The following CEP128 variants were observed in gnomAD, a reference collection of about 807,000 sequenced individuals.
CEP128 encodes the protein centrosomal protein 128kDa.
A neutral mutation model predicts 156.7 loss-of-function variants in CEP128; 132 were observed. The ratio of observed to expected loss-of-function variants is 0.84; its 90% CI spans 0.73 to 0.97. The LOEUF (loss-of-function observed/expected upper bound fraction) is 0.97. CEP128 is among the 50% of genes least tolerant of loss of function. CEP128 has a pLI of 0.00. For synonymous variants in CEP128, 469 were observed against 448.9 expected (o/e 1.04, Z -0.57); for missense variants, 1,252 against 1,281.9 (o/e 0.98, Z 0.36).
At chr14:80,939,806 G>A (rs1007431556) in intron 1 of CEP128, among the ~76,000 whole-genome samples, 5 of 152,108 alleles carry the variant, frequency 3.3e-5, no homozygotes, top group African/African-American at 7.2e-5. Context: ...AGTGTGAACC[G>A]CAGCCCAAGT....
intron 17 of CEP128, among the ~76,000 whole-genome samples, chr14:80,760,907 T>C (rs1359221906): frequency 1.3e-5 from 2 of 152,114 alleles, no homozygotes; most frequent in Non-Finnish European, 2.9e-5. Context: ...TTAGACTCCA[T>C]AGGTTTGAAG....
chr14:80,592,093 G>T (rs879355628), intron 19 of CEP128, among the ~76,000 whole-genome samples: 4 of 152,088 alleles, frequency 2.6e-5, no homozygotes, highest in Admixed American at 6.6e-5. Flanking sequence ...ACAATTAAAA[G>T]AACTAGAGAA....
intron 24 of CEP128, among the ~76,000 whole-genome samples, chr14:80,500,892 C>A (rs972974554): frequency 6.6e-6 from 1 of 151,944 alleles, no homozygotes; most frequent in African/African-American, 2.4e-5. Flanking sequence ...GATACTATGA[C>A]ATTTCTCTTC....
intron 19 of CEP128, among the ~76,000 whole-genome samples, chr14:80,648,304 C>T (rs2076924337): frequency 6.6e-6 from 1 of 151,952 alleles, no homozygotes; most frequent in Non-Finnish European, 1.5e-5. Flanking sequence ...TTTCACCTGC[C>T]TTATGGAATA....
chr14:80,633,645 C>T (rs532549807), intron 19 of CEP128, among the ~76,000 whole-genome samples: 2 of 152,226 alleles, frequency 1.3e-5, no homozygotes, highest in Non-Finnish European at 2.9e-5. Context: ...ACAAGCAAGA[C>T]TTCCCACTAC....
intron 19 of CEP128, among the ~76,000 whole-genome samples, chr14:80,657,188 C>A (rs1052868638): frequency 3.3e-5 from 5 of 150,628 alleles, no homozygotes; most frequent in African/African-American, 4.9e-5. Flanking sequence ...ACTGGGGAGG[C>A]AAAAGTTGCA....
intron 19 of CEP128, among the ~76,000 whole-genome samples, chr14:80,678,897 T>G (rs1335732382): frequency 5.3e-5 from 8 of 152,160 alleles, no homozygotes; most frequent in Non-Finnish European, 1.2e-4. Flanking sequence ...GGAACATAAA[T>G]TGTGAAGATT....
chr14:80,910,340 G>T (rs1884135158), intron 4 of CEP128, among the ~76,000 whole-genome samples: 1 of 152,202 alleles, frequency 6.6e-6, no homozygotes, highest in Non-Finnish European at 1.5e-5. Context: ...AATTCCCAGT[G>T]TTGGAAGTGG....
intron 4 of CEP128, among the ~76,000 whole-genome samples, chr14:80,909,705 A>G (rs1051933007): frequency 5.9e-5 from 9 of 152,124 alleles, no homozygotes; most frequent in Admixed American, 5.2e-4. Context: ...TAATAGAATT[A>G]AAATCTACAC....
chr14:80,566,203 C>T (rs1000613615), intron 20 of CEP128, among the ~76,000 whole-genome samples: 2 of 152,152 alleles, frequency 1.3e-5, no homozygotes, highest in African/African-American at 4.8e-5. Context: ...GTTCTTCCTT[C>T]CAAAGTCAAC....
chr14:80,895,151 T>C (rs1040176247), intron 8 of CEP128, among the ~76,000 whole-genome samples: 4 of 152,110 alleles, frequency 2.6e-5, no homozygotes, highest in African/African-American at 9.7e-5. Flanking sequence ...CCAAGGATAG[T>C]GATTTAATAA....
intron 13 of CEP128, among the ~76,000 whole-genome samples, chr14:80,807,082 T>A (rs1179927999): frequency 1.3e-5 from 2 of 149,852 alleles, no homozygotes; most frequent in African/African-American, 5.0e-5. Flanking sequence ...TATAATAATC[T>A]TTTTTTTTAT....
intron 19 of CEP128, among the ~76,000 whole-genome samples, chr14:80,727,956 T>C (rs1898081555): frequency 6.6e-6 from 1 of 152,086 alleles, no homozygotes; most frequent in South Asian, 2.1e-4. Flanking sequence ...AGGCAATTTC[T>C]AAAAAAACTT....
chr14:80,871,691 A>G (rs533964135), intron 8 of CEP128, among the ~76,000 whole-genome samples: 4 of 152,146 alleles, frequency 2.6e-5, no homozygotes, highest in Non-Finnish European at 5.9e-5. Flanking sequence ...TAAGGGAAAA[A>G]TATTAGAAAT....
chr14:80,835,621 C>A (rs749956366), intron 12 of CEP128, among the ~76,000 whole-genome samples: 1 of 152,074 alleles, frequency 6.6e-6, no homozygotes, highest in Non-Finnish European at 1.5e-5. Context: ...AATATACATC[C>A]AGTCATTAAA....
chr14:80,601,082 G>A (rs1892561697), intron 19 of CEP128, among the ~76,000 whole-genome samples: 1 of 151,642 alleles, frequency 6.6e-6, no homozygotes, highest in African/African-American at 2.4e-5. Context: ...TAAAAAAAAA[G>A]ACAATACTAT....
chr14:80,726,166 C>G (rs1243824681), intron 19 of CEP128, among the ~76,000 whole-genome samples: 1 of 152,186 alleles, frequency 6.6e-6, no homozygotes, highest in Non-Finnish European at 1.5e-5. Flanking sequence ...CATGATGTGT[C>G]TGATTTAGCC....
At chr14:80,676,306 T>C (rs930805912) in intron 19 of CEP128, among the ~76,000 whole-genome samples, 2 of 152,140 alleles carry the variant, frequency 1.3e-5, no homozygotes, top group African/African-American at 4.8e-5. Context: ...TACTTTATCA[T>C]GTTTTCCTTT....
At chr14:80,585,054 G>A (rs1273294112) in intron 19 of CEP128, among the ~76,000 whole-genome samples, 2 of 152,216 alleles carry the variant, frequency 1.3e-5, no homozygotes, top group Non-Finnish European at 2.9e-5. Context: ...GGTAAAAAGG[G>A]CAGCAGCCCT....
Sources: allele counts gnomAD v4.1 joint callset (sites outside exome capture counted in the v4.1 genomes callset), GRCh38; gene constraint gnomAD v4.1.1; transcripts MANE v1.5; gene names NCBI Gene and HGNC (gene_info 2026-07-23, HGNC 2026-07-21).